Variants in NTSR1 observed in about 807,000 individuals in gnomAD.
NTSR1 encodes neurotensin receptor 1, also known as neurotensin receptor type 1.
Under a neutral mutation model 31.2 loss-of-function variants are expected in NTSR1, and 29 were observed. That is an observed-to-expected ratio of 0.93 (90% CI 0.69 to 1.27). The LOEUF (loss-of-function observed/expected upper bound fraction) is 1.27. NTSR1 is among the 50% of genes most tolerant of loss of function. The probability of loss-of-function intolerance (pLI) is 0.00; values close to 1 mark genes in which losing one functional copy is unlikely to be tolerated. For synonymous variants in NTSR1, 282 were observed against 269.9 expected (o/e 1.04, Z -0.44); for missense variants, 697 against 595.4 (o/e 1.17, Z -1.78).
rs1388544276 is a variant in NTSR1, at chr20:62,745,022, A to ACC, written c.715-9660_715-9659dup. Among the ~76,000 whole-genome samples the ACC allele has an allele frequency of 1.3e-5, 2 of 152,128 alleles. No individual in the cohort carries two copies. Among genetic ancestry groups the ACC allele is most frequent in the Non-Finnish European group, 2.9e-5 (2 of 68,018 alleles). On this transcript the variant is annotated intron_variant, in intron 1 of 3. Transcript: ENST00000370501. This position sits in a 1 kb window ranked among gnomAD's most constrained non-coding sequence, Gnocchi z 4.1. ...GACCACCACGGCTGTCACAGCAGACACCCCTGTCTCCCACCATGACCTTCT... is the reference window on the plus strand; with the variant it reads ...GACCACCACGGCTGTCACAGCAGACACCCCCCTGTCTCCCACCATGACCTTCT...
chr20:62,720,909 T>C (rs1394577058), intron 1 of NTSR1, among the ~76,000 whole-genome samples: 1 of 152,212 alleles, frequency 6.6e-6, no homozygotes, highest in African/African-American at 2.4e-5. Flanking sequence ...TACAAATGTG[T>C]TGTTTAGTTT....
intron 2 of NTSR1, among the ~76,000 whole-genome samples, chr20:62,757,543 A>G (rs971782761): frequency 1.3e-5 from 2 of 152,260 alleles, no homozygotes; most frequent in African/African-American, 4.8e-5. Flanking sequence ...TTGAGATTTC[A>G]TATGAATTTT....
intron 1 of NTSR1, among the ~76,000 whole-genome samples, chr20:62,723,227 G>A (rs545678164): frequency 2.0e-5 from 3 of 152,234 alleles, no homozygotes; most frequent in South Asian, 2.1e-4. Flanking sequence ...CATTCAGAGA[G>A]TACGGGAGCT....
At chr20:62,717,271 G>T (rs1600719123) in intron 1 of NTSR1, among the ~76,000 whole-genome samples, 1 of 152,346 alleles carries the variant, frequency 6.6e-6, no homozygotes, top group African/African-American at 2.4e-5. Context: ...GCCTACTTTG[G>T]GATTTTACAT....
At chr20:62,723,106 T>C (rs749188736) in intron 1 of NTSR1, among the ~76,000 whole-genome samples, 3 of 152,228 alleles carry the variant, frequency 2.0e-5, no homozygotes, top group Non-Finnish European at 4.4e-5. Context: ...TAAATTTCAG[T>C]AACTCTCCTT....
chr20:62,759,287 G>T (rs530189848), intron 3 of NTSR1, among the ~76,000 whole-genome samples: 8 of 152,174 alleles, frequency 5.3e-5, no homozygotes, highest in Non-Finnish European at 7.4e-5. Flanking sequence ...AGATCACTGT[G>T]GGGGGAGGCA....
rs747339980 is a variant in NTSR1, at chr20:62,717,394, G to A, written c.714+7473G>A. ...GCTTCCCGAGAATAGGTGGTTTTGG[G>A]TTGTCCCCAGTGGCTTGGAATGGCT... is the stretch of plus-strand genomic sequence containing the variant. On this transcript the variant is annotated intron_variant, in intron 1 of 3. Transcript: ENST00000370501. 4.4e-4 allele frequency among the ~76,000 whole-genome samples: 67 copies of A among 152,344 alleles called. 2 individuals carry two copies. Among genetic ancestry groups the A allele is most frequent in the Middle Eastern group, 3.4e-3 (1 of 294 alleles).
At chr20:62,739,006 C>G (rs138935630) in intron 1 of NTSR1, among the ~76,000 whole-genome samples, 1 of 152,198 alleles carries the variant, frequency 6.6e-6, no homozygotes, top group Non-Finnish European at 1.5e-5. Flanking sequence ...CTTTTACACA[C>G]GCGTGTTTTC....
At chr20:62,728,943 A>C (rs1474136314) in intron 1 of NTSR1, among the ~76,000 whole-genome samples, 1 of 152,178 alleles carries the variant, frequency 6.6e-6, no homozygotes, top group African/African-American at 2.4e-5. Flanking sequence ...GCTGAGTTGG[A>C]AAGGGACCCT....
At chr20:62,726,500 C>T (rs975629414) in intron 1 of NTSR1, among the ~76,000 whole-genome samples, 5 of 152,164 alleles carry the variant, frequency 3.3e-5, no homozygotes, top group African/African-American at 9.7e-5. Flanking sequence ...CCCACCGGTC[C>T]CCAGGAGAAT....
At chr20:62,729,316 C>T (rs183147320) in intron 1 of NTSR1, among the ~76,000 whole-genome samples, 26 of 152,364 alleles carry the variant, frequency 1.7e-4, no homozygotes, top group Non-Finnish European at 8.8e-5. Flanking sequence ...GGCTCTGTGG[C>T]TTCCAGCCCA....
chr20:62,712,376 C>T (rs1988633296), intron 1 of NTSR1, among the ~76,000 whole-genome samples: 1 of 152,216 alleles, frequency 6.6e-6, no homozygotes, highest in African/African-American at 2.4e-5. Flanking sequence ...TCAAATGGCC[C>T]CTCTTTCCAA....
intron 1 of NTSR1, among the ~76,000 whole-genome samples, chr20:62,720,055 C>T (rs963702473): frequency 9.2e-5 from 14 of 152,078 alleles, no homozygotes; most frequent in South Asian, 2.1e-4. Context: ...ATCCCAGCAC[C>T]GTGGGAGGCC....
intron 1 of NTSR1, among the ~76,000 whole-genome samples, chr20:62,740,456 C>T (rs1217681833): frequency 2.0e-5 from 3 of 150,564 alleles, no homozygotes; most frequent in Non-Finnish European, 4.4e-5. Flanking sequence ...TCTTACAAGC[C>T]GTGCAGGCCG....
Position 62,754,807 on chromosome 20 carries a change from C to G in NTSR1, c.837C>G (p.Val279=). The G allele has an allele frequency of 6.2e-7, 1 of 1,610,632 alleles. No homozygotes were observed. Among genetic ancestry groups the G allele is most frequent in the South Asian group, 1.1e-5 (1 of 91,072 alleles). ...CCGAGCAGGGCCAAGTGTGCACGGT[C>G]GGGGGCGAGCACAGCACATTCAGCA... The part of the protein sequence containing the change: ...QAAEQGQVCT[V]GGEHSTFSMA... Residue 279 remains valine, a synonymous_variant, in exon 2 of 4, where the codon GTC becomes GTG. Transcript: ENST00000370501.
chr20:62,727,450 C>T (rs2147137025), intron 1 of NTSR1, among the ~76,000 whole-genome samples: 1 of 152,330 alleles, frequency 6.6e-6, no homozygotes, highest in Non-Finnish European at 1.5e-5. Flanking sequence ...GGGTTCTGCC[C>T]CAGAGATAGC....
rs1600716462 is a variant in NTSR1, at chr20:62,711,696, G to A, written c.714+1775G>A. Among the ~76,000 whole-genome samples the A allele has an allele frequency of 6.6e-6, 1 of 152,106 alleles. No homozygotes were observed. Among genetic ancestry groups the A allele is most frequent in the Non-Finnish European group, 1.5e-5 (1 of 68,024 alleles). On this transcript the variant is annotated intron_variant, in intron 1 of 3. Transcript: ENST00000370501. The surrounding 1 kb of genome is among the most constrained non-coding windows in gnomAD (Gnocchi z 6.4). ...ACAAACAGCCGAAAAGCACAGGGGC[G>A]TGAGGACAGCTCGGCTCCGCCCCCC...
intron 1 of NTSR1, among the ~76,000 whole-genome samples, chr20:62,751,278 T>C (rs2147146628): frequency 6.6e-6 from 1 of 152,370 alleles, no homozygotes. Flanking sequence ...TTTCTTATAG[T>C]AATGTTACGG....
Position 62,743,272 on chromosome 20 carries a change from A to G in NTSR1, c.715-11413A>G, listed in dbSNP as rs1359406910. ...GGGTGAGCCTTTGAGTTGTTCACCAATCATTGGGGTTTCGAACAAGCCTGT... is the reference window on the plus strand; with the variant it reads ...GGGTGAGCCTTTGAGTTGTTCACCAGTCATTGGGGTTTCGAACAAGCCTGT... On this transcript the variant is annotated intron_variant, in intron 1 of 3. Coordinates refer to ENST00000370501, the MANE Select transcript of NTSR1 (RefSeq NM_002531.3). This position sits in a 1 kb window ranked among gnomAD's most constrained non-coding sequence, Gnocchi z 7.5. Among the ~76,000 whole-genome samples the G allele has an allele frequency of 6.7e-6, 1 of 149,270 alleles. No homozygotes were observed. Among genetic ancestry groups the G allele is most frequent in the Non-Finnish European group, 1.5e-5 (1 of 67,958 alleles).
Sources: allele counts gnomAD v4.1 joint callset (sites outside exome capture counted in the v4.1 genomes callset), GRCh38; gene constraint gnomAD v4.1.1; non-coding constraint Gnocchi (gnomAD v3.1); transcripts MANE v1.5; gene names NCBI Gene and HGNC (gene_info 2026-07-23, HGNC 2026-07-21).